The following HS6ST2 variants were observed in gnomAD, a reference collection of about 807,000 sequenced individuals.
The protein encoded by HS6ST2 is heparan-sulfate 6-O-sulfotransferase 2.
Under a neutral mutation model 33.0 loss-of-function variants are expected in HS6ST2, and 17 were observed. The ratio of observed to expected loss-of-function variants is 0.52; its 90% CI spans 0.35 to 0.77. The LOEUF (loss-of-function observed/expected upper bound fraction) is 0.77, where lower values mean the gene tolerates loss of function less well. Ranked by LOEUF, HS6ST2 falls within the 30% of genes least tolerant of loss-of-function variation. The probability of loss-of-function intolerance (pLI) is 0.01; values close to 1 mark genes in which losing one functional copy is unlikely to be tolerated. For missense variants in HS6ST2, 519 were observed against 551.7 expected (o/e 0.94, Z 0.59); for synonymous variants, 248 against 237.1 (o/e 1.05, Z -0.42).
intron 3 of HS6ST2, among the ~76,000 whole-genome samples, chrX:132,679,246 G>A (rs1214721829): frequency 1.8e-5 from 2 of 112,077 alleles, no homozygotes; most frequent in African/African-American, 6.5e-5. Context: ...TCTTATCAGG[G>A]AACCTGCCCC....
chrX:132,742,949 G>A (rs996677950), intron 2 of HS6ST2, among the ~76,000 whole-genome samples: 1 of 111,886 alleles, frequency 8.9e-6, no homozygotes, highest in African/African-American at 3.3e-5. Context: ...TATAGGTGCA[G>A]CAGGTAGGGT....
At chrX:132,879,224 G>C (rs762815680) in intron 2 of HS6ST2, among the ~76,000 whole-genome samples, 1 of 111,479 alleles carries the variant, frequency 9.0e-6, no homozygotes, top group Non-Finnish European at 1.9e-5. Context: ...TACTACAGGG[G>C]CTAACCTCAT....
chrX:132,633,875 C>T (rs895082305), intron 4 of HS6ST2, among the ~76,000 whole-genome samples: 1 of 111,742 alleles, frequency 8.9e-6, no homozygotes, highest in African/African-American at 3.3e-5. Context: ...CTGCTAAGCA[C>T]GATCTGACAA....
intron 2 of HS6ST2, among the ~76,000 whole-genome samples, chrX:132,841,490 C>T (rs2065706566): frequency 9.0e-6 from 1 of 111,430 alleles, no homozygotes; most frequent in African/African-American, 3.3e-5. Context: ...GGTAGGGAGG[C>T]ATTGCTGAAA....
chrX:132,735,874 C>T (rs1017097394), intron 2 of HS6ST2, among the ~76,000 whole-genome samples: 5 of 111,333 alleles, frequency 4.5e-5, no homozygotes, highest in Non-Finnish European at 9.4e-5. Flanking sequence ...GAGTTTCACT[C>T]TGTTACCCAG....
At chrX:132,655,827 A>C (rs1182357550) in intron 4 of HS6ST2, among the ~76,000 whole-genome samples, 1 of 111,899 alleles carries the variant, frequency 8.9e-6, no homozygotes, top group Admixed American at 9.5e-5. Flanking sequence ...ATGTGTATGT[A>C]TAGCATACAA....
At chrX:132,803,094 C>T (rs1307230936) in intron 2 of HS6ST2, among the ~76,000 whole-genome samples, 3 of 111,389 alleles carry the variant, frequency 2.7e-5, no homozygotes, top group East Asian at 2.8e-4. Flanking sequence ...TACAGATGTT[C>T]GGTCCAGTTC....
At chrX:132,810,510 C>T (rs746261077) in intron 2 of HS6ST2, among the ~76,000 whole-genome samples, 12 of 110,445 alleles carry the variant, frequency 1.1e-4, no homozygotes, top group Admixed American at 2.9e-4. Flanking sequence ...ATGTAGATTC[C>T]GAGGCTTTAC....
intron 2 of HS6ST2, among the ~76,000 whole-genome samples, chrX:132,729,071 G>C (rs1313336877): frequency 8.9e-6 from 1 of 112,097 alleles, no homozygotes; most frequent in Non-Finnish European, 1.9e-5. Context: ...AAGATGACAT[G>C]CCAGTCACTG....
At chrX:132,804,609 G>C (rs1305899217) in intron 2 of HS6ST2, among the ~76,000 whole-genome samples, 2 of 111,544 alleles carry the variant, frequency 1.8e-5, no homozygotes, top group Admixed American at 1.9e-4. Context: ...AGACCAGCCT[G>C]GGCAACATGG....
intron 2 of HS6ST2, among the ~76,000 whole-genome samples, chrX:132,764,959 GA>G (rs2064832467): frequency 8.9e-6 from 1 of 112,225 alleles, no homozygotes; most frequent in African/African-American, 3.2e-5. Context: ...GCTCAGACCA[GA>G]AAGAGTAAAG....
At chrX:132,897,524 G>A (rs2066387395) in intron 2 of HS6ST2, among the ~76,000 whole-genome samples, 1 of 111,631 alleles carries the variant, frequency 9.0e-6, no homozygotes, top group South Asian at 3.8e-4. Context: ...CCACCTCATA[G>A]GCAGATGTGA....
chrX:132,820,772 G>A (rs1381854287), intron 2 of HS6ST2, among the ~76,000 whole-genome samples: 1 of 30 alleles, frequency 0.033, no homozygotes, highest in East Asian at 1. Context: ...ATCAAGGGCC[G>A]GAGTGCTCTT....
chrX:132,696,398 T>G (rs761618951), intron 3 of HS6ST2, among the ~76,000 whole-genome samples: 2 of 111,666 alleles, frequency 1.8e-5, no homozygotes, highest in African/African-American at 6.5e-5. Flanking sequence ...ATCTTACACA[T>G]GAAGAAACCA....
intron 2 of HS6ST2, among the ~76,000 whole-genome samples, chrX:132,808,249 A>G (rs1407473544): frequency 3.6e-5 from 4 of 112,238 alleles, no homozygotes; most frequent in Non-Finnish European, 7.5e-5. Flanking sequence ...ACATTTCCAA[A>G]TGTCACACTC....
In HS6ST2 at chrX:132,627,986, C is replaced by T. The variant is rs762222230; in HGVS notation, c.*237G>A. 1.1e-5 allele frequency: 3 copies of T among 273,480 alleles called. No individual in the cohort carries two copies. The highest frequency in any genetic ancestry group is 8.2e-5 in the African/African-American group (3 of 36,484). 22.5% of individuals were successfully genotyped at this position (273,480 alleles called of 1,213,427 possible). ...TTTCTGGTGAGTCTGGTTTGGCTTT[C>T]GGATTTCATATTTAGTCCAACCCCA... On this transcript the variant is annotated 3_prime_UTR_variant, in exon 5 of 5. Coordinates refer to ENST00000370833, the MANE Select transcript of HS6ST2 (RefSeq NM_001394073.1).
intron 3 of HS6ST2, among the ~76,000 whole-genome samples, chrX:132,705,160 A>G (rs2064178650): frequency 2.0e-5 from 2 of 99,478 alleles, no homozygotes; most frequent in South Asian, 1.0e-3. Context: ...TTAAAGGGGC[A>G]GTGGGGGAGG....
At chrX:132,872,676 G>T (rs1217074921) in intron 2 of HS6ST2, among the ~76,000 whole-genome samples, 1 of 111,657 alleles carries the variant, frequency 9.0e-6, no homozygotes, top group African/African-American at 3.3e-5. Context: ...TTCATAACCA[G>T]AAAAGGTTTA....
At chrX:132,688,476 G>T (rs942130440) in intron 3 of HS6ST2, among the ~76,000 whole-genome samples, 3 of 111,519 alleles carry the variant, frequency 2.7e-5, no homozygotes, top group Non-Finnish European at 5.7e-5. Context: ...CATGACTGGG[G>T]AGGCCTCAGG....
Sources: gnomAD v4.1 joint callset for allele counts (sites outside exome capture counted in the v4.1 genomes callset) on GRCh38, gnomAD v4.1.1 for gene constraint, MANE v1.5 for transcripts, NCBI Gene and HGNC (gene_info 2026-07-23, HGNC 2026-07-21) for gene names.